The following EMCN variants were observed in gnomAD, a reference collection of about 807,000 sequenced individuals.
The protein encoded by EMCN is MUC-14.
A neutral mutation model predicts 38.4 loss-of-function variants in EMCN; 37 were observed. That is an observed-to-expected ratio of 0.96 (90% CI 0.74 to 1.27). The LOEUF (loss-of-function observed/expected upper bound fraction) is 1.27. Ranked by LOEUF, EMCN falls within the 50% of genes most tolerant of loss-of-function variation. The probability of loss-of-function intolerance (pLI) is 0.00; values close to 1 mark genes in which losing one functional copy is unlikely to be tolerated. For missense variants in EMCN, 318 were observed against 302.8 expected, an observed-to-expected ratio of 1.05 and a Z score of -0.37; for synonymous variants, 95 against 100.8, an observed-to-expected ratio of 0.94 and a Z score of 0.35.
chr4:100,444,899 A>G (rs1389126739), intron 5 of EMCN, among the ~76,000 whole-genome samples: 1 of 152,124 alleles, frequency 6.6e-6, no homozygotes, highest in Non-Finnish European at 1.5e-5. Context: ...AGCTGGGCTC[A>G]AACCCTATAA....
At chr4:100,477,800 T>A (rs1254550415) in intron 2 of EMCN, among the ~76,000 whole-genome samples, 1 of 152,134 alleles carries the variant, frequency 6.6e-6, no homozygotes, top group South Asian at 2.1e-4. Context: ...TACCTTTTTT[T>A]TTGTATTATT....
intron 5 of EMCN, among the ~76,000 whole-genome samples, chr4:100,440,864 T>C (rs1369231820): frequency 2.6e-5 from 4 of 151,966 alleles, no homozygotes; most frequent in Admixed American, 6.6e-5. Flanking sequence ...GGCAGGCAGA[T>C]CATGAGGTCA....
At chr4:100,510,899 G>GT (rs1171931671) in intron 1 of EMCN, among the ~76,000 whole-genome samples, 4 of 151,996 alleles carry the variant, frequency 2.6e-5, no homozygotes, top group Non-Finnish European at 4.4e-5. Context: ...CCAAGTACAT[G>GT]TTTTTTTCAA....
chr4:100,423,031 C>A lies in EMCN; in HGVS notation c.558G>T (p.Arg186=). 1 of 1,612,978 alleles carries A rather than the reference C, an allele frequency of 6.2e-7. No homozygotes were observed. Among genetic ancestry groups the A allele is most frequent in the African/African-American group, 1.3e-5 (1 of 74,972 alleles). Residue 186 remains arginine, a synonymous_variant, in exon 7 of 12, where the codon CGG becomes CGT. Coordinates refer to ENST00000296420, the MANE Select transcript of EMCN (RefSeq NM_016242.4). ...ATTGCTGTTACTCACTGGAATAAGA[C>A]CGGCTGGTTGCTGAAGTGCTTGCAT... ...GKNASTSATS[R]SYSSIILPVV...
chr4:100,450,747 G>A (rs899712814), intron 4 of EMCN, among the ~76,000 whole-genome samples: 6 of 151,874 alleles, frequency 4.0e-5, no homozygotes, highest in Admixed American at 1.3e-4. Context: ...TCGCATATGA[G>A]AAATGTTATA....
intron 4 of EMCN, among the ~76,000 whole-genome samples, chr4:100,459,785 A>G (rs1728125596): frequency 6.6e-6 from 1 of 152,168 alleles, no homozygotes; most frequent in Admixed American, 6.5e-5. Context: ...AAAATAGTAT[A>G]CTATTGTGTA....
intron 2 of EMCN, among the ~76,000 whole-genome samples, chr4:100,478,707 T>C (rs1467737294): frequency 6.6e-6 from 1 of 152,194 alleles, no homozygotes; most frequent in Non-Finnish European, 1.5e-5. Flanking sequence ...TAAAAATTGA[T>C]AAAAAGTAAA....
At chr4:100,497,206 G>A (rs1729230082) in intron 1 of EMCN, among the ~76,000 whole-genome samples, 1 of 147,340 alleles carries the variant, frequency 6.8e-6, no homozygotes, top group Non-Finnish European at 1.5e-5. Context: ...AATCTAGCTA[G>A]ACTTGAGTAA....
At chr4:100,509,973 C>T (rs1729583971) in intron 1 of EMCN, among the ~76,000 whole-genome samples, 2 of 152,088 alleles carry the variant, frequency 1.3e-5, no homozygotes, top group Admixed American at 6.5e-5. Context: ...CATGTAACAC[C>T]AATACCATGT....
At chr4:100,410,401 TA>T in intron 10 of EMCN, 46 bp from the exon 11 acceptor site, 1 of 1,560,964 alleles carries the variant, frequency 6.4e-7, no homozygotes. Flanking sequence ...AGAGACTGAG[TA>T]AGGATGAAAA....
rs1307011423 is a variant in EMCN at position 100,444,152 on chromosome 4, G to A, written c.415+3381C>T. Among the ~76,000 whole-genome samples, 3 of 152,294 alleles carry A rather than the reference G, an allele frequency of 2.0e-5. No homozygotes were observed. In the East Asian group the frequency reaches 5.8e-4, roughly 30 times the overall value. On this transcript the variant is annotated intron_variant, in intron 5 of 11. Coordinates refer to ENST00000296420, the MANE Select transcript of EMCN (RefSeq NM_016242.4). ...GCATGTCAGACTGCAGGGGTGTAGT[G>A]CAATTTTGGGTGGGCAGGCATGTGG...
rs1384582806 is a variant in EMCN at position 100,396,871 on chromosome 4, C to T, written c.*1542G>A. The stretch of plus-strand genomic sequence containing the variant: ...AGATTAAAATTAAGCATGGGCTCAA[C>T]AGTTCTAAAGTGAAAACATACATAG... On this transcript the variant is annotated 3_prime_UTR_variant, in exon 12 of 12. Coordinates refer to ENST00000296420, the MANE Select transcript of EMCN (RefSeq NM_016242.4). 3 of 151,658 alleles carry T rather than the reference C, an allele frequency of 2.0e-5. No homozygotes were observed. Among genetic ancestry groups the T allele is most frequent in the African/African-American group, 7.3e-5 (3 of 41,296 alleles). The allele number at this position is 151,658 out of a possible 1,614,324, so 9.4% of individuals were successfully genotyped here.
chr4:100,403,741 T>G (rs1438264088), intron 11 of EMCN, among the ~76,000 whole-genome samples: 2 of 152,076 alleles, frequency 1.3e-5, no homozygotes, highest in Non-Finnish European at 2.9e-5. Flanking sequence ...ATCTGTGACT[T>G]CTTGACTTTT....
intron 1 of EMCN, among the ~76,000 whole-genome samples, chr4:100,480,361 T>G (rs926699007): frequency 6.6e-6 from 1 of 152,034 alleles, no homozygotes; most frequent in Non-Finnish European, 1.5e-5. Flanking sequence ...CCAGATGAAA[T>G]GCTTAAATGG....
chr4:100,418,316 T>C (rs896717355), intron 8 of EMCN, among the ~76,000 whole-genome samples: 3 of 152,156 alleles, frequency 2.0e-5, no homozygotes, highest in Non-Finnish European at 4.4e-5. Flanking sequence ...ATAAGAGAGA[T>C]TTTGATATAG....
chr4:100,479,317 G>A (rs143835314), intron 2 of EMCN, among the ~76,000 whole-genome samples: 2 of 151,960 alleles, frequency 1.3e-5, no homozygotes, highest in African/African-American at 4.8e-5. Flanking sequence ...TATTTTTTGT[G>A]TGTTGCAAGA....
At chr4:100,416,236 T>A (rs1479570144) in intron 9 of EMCN, among the ~76,000 whole-genome samples, 2 of 152,134 alleles carry the variant, frequency 1.3e-5, no homozygotes, top group Non-Finnish European at 2.9e-5. Flanking sequence ...CACTCTCTTA[T>A]AGTGGTGATT....
intron 4 of EMCN, among the ~76,000 whole-genome samples, chr4:100,460,328 C>T (rs1003852512): frequency 2.6e-5 from 4 of 151,986 alleles, no homozygotes; most frequent in Non-Finnish European, 5.9e-5. Context: ...GTATGTTAAC[C>T]TCTTAACATT....
At chr4:100,485,047 A>C (rs1352095763) in intron 1 of EMCN, among the ~76,000 whole-genome samples, 1 of 152,154 alleles carries the variant, frequency 6.6e-6, no homozygotes, top group Non-Finnish European at 1.5e-5. Context: ...TAAACTCTTA[A>C]AGAAAATGAT....
Sources: gnomAD v4.1 joint callset for allele counts (sites outside exome capture counted in the v4.1 genomes callset) on GRCh38, gnomAD v4.1.1 for gene constraint, MANE v1.5 for transcripts, NCBI Gene and HGNC (gene_info 2026-07-23, HGNC 2026-07-21) for gene names.